MIPOL1: variants seen among roughly 807,000 people sequenced by gnomAD.
MIPOL1 encodes mirror-image polydactyly gene 1 protein.
In MIPOL1, 57 loss-of-function variants were observed where a neutral mutation model predicts 60.9. That is an observed-to-expected ratio of 0.94 (90% CI 0.76 to 1.17). The LOEUF (loss-of-function observed/expected upper bound fraction) is 1.17, where lower values mean the gene tolerates loss of function less well. Among genes scored for constraint, MIPOL1 ranks in the 50% most tolerant of loss-of-function variants. The pLI is 0.00. For synonymous variants in MIPOL1, 179 were observed against 168.8 expected, an observed-to-expected ratio of 1.06 and a Z score of -0.47; for missense variants, 551 against 511.6, an observed-to-expected ratio of 1.08 and a Z score of -0.74.
At chr14:37,317,875 A>G (rs901108861) in intron 9 of MIPOL1, among the ~76,000 whole-genome samples, 3 of 152,220 alleles carry the variant, frequency 2.0e-5, no homozygotes, top group African/African-American at 7.2e-5. Flanking sequence ...CAGATTCAGA[A>G]GTGGTTAAAA....
chr14:37,225,096 G>A (rs998230567), intron 1 of MIPOL1, among the ~76,000 whole-genome samples: 4 of 152,080 alleles, frequency 2.6e-5, no homozygotes, highest in African/African-American at 7.2e-5. Flanking sequence ...CATGGTCTTG[G>A]GCAGCTCTGC....
At chr14:37,396,479 C>T (rs1160315105) in intron 10 of MIPOL1, among the ~76,000 whole-genome samples, 2 of 151,984 alleles carry the variant, frequency 1.3e-5, no homozygotes, top group African/African-American at 4.8e-5. Flanking sequence ...TGATGAATTT[C>T]CCAGATGTTC....
At chr14:37,488,272 T>A (rs1043690152) in intron 11 of MIPOL1, among the ~76,000 whole-genome samples, 5 of 152,154 alleles carry the variant, frequency 3.3e-5, no homozygotes, top group African/African-American at 4.8e-5. Flanking sequence ...ATAAGTGCAA[T>A]AGGTGCTGAG....
At chr14:37,234,341 T>TTTTTCTTTTC in intron 1 of MIPOL1, among the ~76,000 whole-genome samples, 1 of 150,172 alleles carries the variant, frequency 6.7e-6, no homozygotes, top group South Asian at 2.1e-4. Context: ...GTCCCTTCTT[T>TTTTTCTTTTC]TTTTCTTTTC....
At chr14:37,469,483 T>C (rs1023804235) in intron 11 of MIPOL1, among the ~76,000 whole-genome samples, 5 of 152,250 alleles carry the variant, frequency 3.3e-5, no homozygotes, top group African/African-American at 1.2e-4. Context: ...ACACTGGGAT[T>C]ACAATTTGAC....
intron 12 of MIPOL1, among the ~76,000 whole-genome samples, chr14:37,538,921 C>T (rs1174318007): frequency 1.3e-5 from 2 of 152,148 alleles, no homozygotes; most frequent in Admixed American, 6.5e-5. Context: ...TAGAACTGCC[C>T]AGCTGACGCG....
chr14:37,219,749 G>T (rs1968422128), intron 1 of MIPOL1: 4 of 152,188 alleles, frequency 2.6e-5, no homozygotes, highest in Non-Finnish European at 5.9e-5. Flanking sequence ...ATGACTGAGA[G>T]AGGTGTGATG....
At chr14:37,309,450 C>A (rs2087103017) in intron 9 of MIPOL1, among the ~76,000 whole-genome samples, 1 of 152,056 alleles carries the variant, frequency 6.6e-6, no homozygotes, top group South Asian at 2.1e-4. Flanking sequence ...CTTCAGCCTA[C>A]TCCTGTCATA....
chr14:37,403,876 C>T (rs1347065602), intron 10 of MIPOL1, among the ~76,000 whole-genome samples: 3 of 152,090 alleles, frequency 2.0e-5, no homozygotes, highest in Non-Finnish European at 4.4e-5. Flanking sequence ...CAGCTCTAAT[C>T]CTTGTTTTCA....
intron 10 of MIPOL1, among the ~76,000 whole-genome samples, chr14:37,414,996 C>A (rs2093739394): frequency 6.6e-6 from 1 of 152,080 alleles, no homozygotes; most frequent in African/African-American, 2.4e-5. Flanking sequence ...GCCACCCCTG[C>A]CCCCAAAACA....
chr14:37,216,584 C>T (rs1480198659), intron 1 of MIPOL1, among the ~76,000 whole-genome samples: 1 of 152,146 alleles, frequency 6.6e-6, no homozygotes, highest in Admixed American at 6.6e-5. Context: ...TATTAAGCAT[C>T]CTTTCTGACC....
At chr14:37,459,536 C>T (rs1312854688) in intron 11 of MIPOL1, among the ~76,000 whole-genome samples, 1 of 152,002 alleles carries the variant, frequency 6.6e-6, no homozygotes, top group African/African-American at 2.4e-5. Flanking sequence ...ATTTTTCCAA[C>T]AACAACAAAA....
At chr14:37,299,452 TTAA>T in intron 7 of MIPOL1, among the ~76,000 whole-genome samples, 1 of 72,550 alleles carries the variant, frequency 1.4e-5, no homozygotes, top group Non-Finnish European at 2.9e-5. Context: ...TAAAAAAAAA[TTAA>T]AAAAATAAAA....
chr14:37,487,031 G>A (rs941920860), intron 11 of MIPOL1, among the ~76,000 whole-genome samples: 1 of 152,066 alleles, frequency 6.6e-6, no homozygotes, highest in African/African-American at 2.4e-5. Flanking sequence ...TTTATTGAGA[G>A]TTTTTAGCAT....
intron 10 of MIPOL1, among the ~76,000 whole-genome samples, chr14:37,379,968 C>T (rs562659985): frequency 6.6e-6 from 1 of 152,134 alleles, no homozygotes; most frequent in South Asian, 2.1e-4. Flanking sequence ...CCAAAGCCAC[C>T]TAATGACCTT....
At chr14:37,263,517 T>C (rs756591268) in intron 3 of MIPOL1, among the ~76,000 whole-genome samples, 15 of 152,178 alleles carry the variant, frequency 9.9e-5, no homozygotes, top group Admixed American at 2.0e-4. Flanking sequence ...AGTTGGGAAT[T>C]ATATTTGGTT....
intron 6 of MIPOL1, among the ~76,000 whole-genome samples, chr14:37,279,096 T>A (rs780149586): frequency 4.6e-5 from 7 of 151,416 alleles, no homozygotes; most frequent in Admixed American, 2.0e-4. Flanking sequence ...GTATTTTACT[T>A]GGTTGGCTTA....
intron 11 of MIPOL1, among the ~76,000 whole-genome samples, chr14:37,436,031 G>A (rs527930018): frequency 5.3e-5 from 8 of 152,208 alleles, no homozygotes; most frequent in African/African-American, 1.7e-4. Flanking sequence ...ATTCACCTGT[G>A]TTATGGAAAA....
intron 9 of MIPOL1, among the ~76,000 whole-genome samples, chr14:37,357,768 G>T (rs777778342): frequency 4.0e-5 from 6 of 151,748 alleles, no homozygotes; most frequent in Non-Finnish European, 8.8e-5. Context: ...AAGTTGATGG[G>T]ATCTCATTTG....
Sources: allele counts gnomAD v4.1 joint callset (sites outside exome capture counted in the v4.1 genomes callset), GRCh38; gene constraint gnomAD v4.1.1; transcripts MANE v1.5; gene names NCBI Gene and HGNC (gene_info 2026-07-23, HGNC 2026-07-21).